The following GREM2 variants were observed in gnomAD, a reference collection of about 807,000 sequenced individuals.
GREM2 encodes the protein gremlin 2, DAN family BMP antagonist, also known as gremlin-2.
A neutral mutation model predicts 14.2 loss-of-function variants in GREM2; 11 were observed. The ratio of observed to expected loss-of-function variants is 0.78; its 90% confidence interval spans 0.49 to 1.28. The LOEUF (loss-of-function observed/expected upper bound fraction) is 1.28, where lower values mean the gene tolerates loss of function less well. Ranked by LOEUF, GREM2 falls within the 50% of genes most tolerant of loss-of-function variation. GREM2 has a pLI of 0.00. For synonymous variants in GREM2, 98 were observed against 97.6 expected, an observed-to-expected ratio of 1.00 and a Z score of -0.02; for missense variants, 210 against 218.5, an observed-to-expected ratio of 0.96 and a Z score of 0.24.
At chr1:240,587,449 G>T (rs1256970868) in intron 1 of GREM2, among the ~76,000 whole-genome samples, 2 of 151,436 alleles carry the variant, frequency 1.3e-5, no homozygotes, top group Non-Finnish European at 2.9e-5. Flanking sequence ...AGCCTCCCAC[G>T]TAGCTGAGGC....
At chr1:240,501,986 T>C (rs1416717487) in intron 1 of GREM2, among the ~76,000 whole-genome samples, 2 of 152,136 alleles carry the variant, frequency 1.3e-5, no homozygotes, top group African/African-American at 2.4e-5. Flanking sequence ...ATTTTTTTTT[T>C]CAGATAAAGA....
chr1:240,522,998 A>G (rs997620402), intron 1 of GREM2, among the ~76,000 whole-genome samples: 3 of 152,392 alleles, frequency 2.0e-5, no homozygotes, highest in African/African-American at 2.4e-5. Flanking sequence ...TGGATAATAC[A>G]TGTACATACA....
intron 1 of GREM2, among the ~76,000 whole-genome samples, chr1:240,505,995 C>A (rs1304321660): frequency 1.3e-5 from 2 of 151,810 alleles, no homozygotes; most frequent in Non-Finnish European, 2.9e-5. Flanking sequence ...AAAAAAAGAT[C>A]CAGTTTGCAA....
At chr1:240,515,798 G>A (rs1186020365) in intron 1 of GREM2, among the ~76,000 whole-genome samples, 1 of 152,136 alleles carries the variant, frequency 6.6e-6, no homozygotes, top group Non-Finnish European at 1.5e-5. Flanking sequence ...ACAATGTGTG[G>A]TTTCTGGGCA....
chr1:240,519,658 T>A (rs1043475686), intron 1 of GREM2, among the ~76,000 whole-genome samples: 2 of 152,226 alleles, frequency 1.3e-5, no homozygotes, highest in African/African-American at 2.4e-5. Flanking sequence ...CCAATCCTTA[T>A]TGTTTGTCTA....
intron 1 of GREM2, among the ~76,000 whole-genome samples, chr1:240,563,276 T>A (rs1183301407): frequency 6.6e-6 from 1 of 152,038 alleles, no homozygotes; most frequent in African/African-American, 2.4e-5. Flanking sequence ...TAATTTAGTG[T>A]CTCTTTACAA....
intron 1 of GREM2, among the ~76,000 whole-genome samples, chr1:240,579,905 T>G (rs1292826467): frequency 1.3e-5 from 2 of 152,354 alleles, no homozygotes; most frequent in Non-Finnish European, 2.9e-5. Context: ...CTTATGATTC[T>G]GTTTCTACCT....
chr1:240,581,145 G>C (rs1679475073), intron 1 of GREM2, among the ~76,000 whole-genome samples: 1 of 151,900 alleles, frequency 6.6e-6, no homozygotes, highest in Admixed American at 6.6e-5. Flanking sequence ...AGCTACTTGG[G>C]AGGCTGAGGC....
intron 1 of GREM2, among the ~76,000 whole-genome samples, chr1:240,559,611 T>G (rs945445855): frequency 6.6e-6 from 1 of 152,184 alleles, no homozygotes; most frequent in Non-Finnish European, 1.5e-5. Flanking sequence ...CCCAAAGTCC[T>G]GGGATTACAG....
At chr1:240,503,254 C>T (rs1299552218) in intron 1 of GREM2, among the ~76,000 whole-genome samples, 1 of 152,084 alleles carries the variant, frequency 6.6e-6, no homozygotes, top group African/African-American at 2.4e-5. Context: ...GGAGAGTATC[C>T]CAGTTTATCT....
rs544688127 is a variant in GREM2, at chr1:240,584,909, C to T, written c.-2+26975G>A. 2.0e-5 allele frequency among the ~76,000 whole-genome samples: 3 copies of T among 152,196 alleles called. No homozygotes were observed. In the East Asian group the frequency reaches 5.8e-4, roughly 29 times the overall value. On this transcript the variant is annotated intron_variant, in intron 1 of 1. Transcript: ENST00000318160. ...ATCCACAGAGGACCTAGAAACAATCCCTGACAGAAGCTGAGGGATGACGGT... is the reference window on the plus strand; with the variant it reads ...ATCCACAGAGGACCTAGAAACAATCTCTGACAGAAGCTGAGGGATGACGGT...
At position 240,493,010 on chromosome 1, in the gene GREM2, G is replaced by T; in HGVS notation, c.466C>A (p.Arg156=). The change falls in exon 2 of 2, where the codon CGG becomes AGG. Residue 156 remains arginine, a synonymous_variant. Transcript: ENST00000318160. ...LKKIQKVKQC[R]CMSVNLSDSD... is the part of the protein sequence containing the mutation. ...TCGCTCAGGTTCACGGACATGCACCGGCACTGCTTCACCTTCTGGATTTTC... is the reference window on the plus strand; with the variant it reads ...TCGCTCAGGTTCACGGACATGCACCTGCACTGCTTCACCTTCTGGATTTTC... The T allele has an allele frequency of 1.9e-6, 3 of 1,579,266 alleles. 1 individual carries two copies. The highest frequency in any genetic ancestry group is 2.6e-6 in the Non-Finnish European group (3 of 1,158,194).
intron 1 of GREM2, among the ~76,000 whole-genome samples, chr1:240,561,151 T>TA (rs1247514667): frequency 1.3e-5 from 2 of 152,106 alleles, no homozygotes; most frequent in Admixed American, 6.6e-5. Context: ...AACTAAGAGG[T>TA]AAGGAGACAG....
chr1:240,571,960 C>G (rs1400543514), intron 1 of GREM2, among the ~76,000 whole-genome samples: 1 of 152,144 alleles, frequency 6.6e-6, no homozygotes, highest in Non-Finnish European at 1.5e-5. Context: ...CTGCCAGGAC[C>G]AGCCACCTAC....
chr1:240,507,468 G>A (rs1177872727), intron 1 of GREM2, among the ~76,000 whole-genome samples: 1 of 152,128 alleles, frequency 6.6e-6, no homozygotes, highest in African/African-American at 2.4e-5. Context: ...AAGTAGCTGG[G>A]ATTACAGGCA....
intron 1 of GREM2, among the ~76,000 whole-genome samples, chr1:240,607,126 AT>A (rs979494780): frequency 5.9e-5 from 9 of 152,330 alleles, no homozygotes; most frequent in African/African-American, 2.2e-4. Context: ...TTAGCAAATA[AT>A]CATTCTTTAA....
chr1:240,546,299 A>G (rs1325542588), intron 1 of GREM2, among the ~76,000 whole-genome samples: 1 of 151,870 alleles, frequency 6.6e-6, no homozygotes, highest in African/African-American at 2.4e-5. Context: ...AGATCGCGCT[A>G]CTGCACTCCA....
At chr1:240,579,922 TC>T (rs1207072403) in intron 1 of GREM2, among the ~76,000 whole-genome samples, 1 of 152,258 alleles carries the variant, frequency 6.6e-6, no homozygotes, top group Admixed American at 6.5e-5. Context: ...ACCTTGGGCA[TC>T]CCCTTGCATG....
intron 1 of GREM2, among the ~76,000 whole-genome samples, chr1:240,511,667 T>C: frequency 6.6e-6 from 1 of 152,038 alleles, no homozygotes; most frequent in Non-Finnish European, 1.5e-5. Context: ...GCAGGAGAAT[T>C]GCTTGAACCT....
Sources: allele counts gnomAD v4.1 joint callset (sites outside exome capture counted in the v4.1 genomes callset), GRCh38; gene constraint gnomAD v4.1.1; transcripts MANE v1.5; gene names NCBI Gene and HGNC (gene_info 2026-07-23, HGNC 2026-07-21).